CTSH: variants seen among roughly 807,000 people sequenced by gnomAD.
The protein encoded by CTSH is cathepsin H, also known as pro-cathepsin H.
Under a neutral mutation model 56.3 loss-of-function variants are expected in CTSH, and 52 were observed. The observed-to-expected ratio is 0.92, with a 90% CI of 0.74 to 1.16. The LOEUF (loss-of-function observed/expected upper bound fraction) is 1.16. Among genes scored for constraint, CTSH ranks in the 50% most tolerant of loss-of-function variants. CTSH has a pLI of 0.00. For missense variants in CTSH, 406 were observed against 424.5 expected (o/e 0.96, Z 0.38); for synonymous variants, 174 against 155.7 (o/e 1.12, Z -0.88).
At chr15:78,931,785 T>G (rs1209511296) in intron 6 of CTSH, 15 of 1,374,470 alleles carry the variant, frequency 1.1e-5, no homozygotes, top group Non-Finnish European at 1.4e-5. Context: ...GCCCCGTAGG[T>G]GTGCCCATAC....
intron 2 of CTSH, among the ~76,000 whole-genome samples, chr15:78,938,596 T>C: frequency 6.6e-6 from 1 of 152,162 alleles, no homozygotes; most frequent in East Asian, 1.9e-4. Flanking sequence ...ATGACAGAAT[T>C]TCATTCTTTG....
intron 10 of CTSH, among the ~76,000 whole-genome samples, 163 bp from the exon 11 acceptor site, chr15:78,923,281 A>G (rs558584189): frequency 6.6e-6 from 1 of 152,252 alleles, no homozygotes; most frequent in Admixed American, 6.5e-5. Context: ...TCCGTGAGAG[A>G]ACTCCTTTCA....
intron 11 of CTSH, 138 bp from the exon 12 acceptor site, chr15:78,922,343 TA>T: frequency 1.4e-6 from 1 of 689,668 alleles, no homozygotes; most frequent in Non-Finnish European, 2.5e-6. Context: ...GCATTCGGCT[TA>T]TTTGATCACC....
intron 5 of CTSH, chr15:78,933,434 C>G: frequency 5.3e-6 from 2 of 378,888 alleles, no homozygotes; most frequent in Non-Finnish European, 1.1e-5. Flanking sequence ...CCTCACCTTG[C>G]TGGTTCAGTC....
Position 78,927,715 on chromosome 15 carries a change from T to C in CTSH, c.697A>G (p.Ile233Val). Residue 233 changes from isoleucine (I) to valine (V), a missense_variant and splice_region_variant, in exon 9 of 12, where the codon ATC becomes GTC. Ile to Val is a conservative substitution (Grantham distance 29, BLOSUM62 3). Transcript: ENST00000220166. ...GFVKDVANIT[I>V]YDEEAMVEAV... ...CCCAGAGGGGGATCGGCACTCACGATTGTGATGTTGGCTACATCCTTGACA... is the reference window on the plus strand; with the variant it reads ...CCCAGAGGGGGATCGGCACTCACGACTGTGATGTTGGCTACATCCTTGACA... 1.2e-6 allele frequency: 2 copies of C among 1,613,952 alleles called. No homozygotes were observed. The highest frequency in any genetic ancestry group is 1.1e-5 in the South Asian group (1 of 91,084).
intron 1 of CTSH, among the ~76,000 whole-genome samples, chr15:78,942,923 C>T (rs1476071001): frequency 1.3e-5 from 2 of 152,152 alleles, no homozygotes; most frequent in East Asian, 1.9e-4. Flanking sequence ...AATCTATGGC[C>T]GTTTTCCCTG....
At chr15:78,933,272 T>A (rs767405182) in intron 5 of CTSH, among the ~76,000 whole-genome samples, 22 of 152,254 alleles carry the variant, frequency 1.4e-4, no homozygotes, top group Non-Finnish European at 2.9e-4. Context: ...TCTCGAAGCC[T>A]TGGCTTCATT....
At chr15:78,927,673 C>G in intron 9 of CTSH, 40 bp downstream of exon 9, 1 of 1,591,978 alleles carries the variant, frequency 6.3e-7, no homozygotes, top group Non-Finnish European at 8.6e-7. Flanking sequence ...GCCTCCTCAT[C>G]AGGACACATT....
intron 5 of CTSH, among the ~76,000 whole-genome samples, chr15:78,934,579 G>A (rs1429329550): frequency 2.0e-5 from 3 of 152,216 alleles, no homozygotes; most frequent in East Asian, 1.9e-4. Context: ...AGAGGGAGGC[G>A]GCCAGCCAGG....
intron 2 of CTSH, 184 bp from the exon 3 acceptor site, chr15:78,937,607 C>T: frequency 7.1e-7 from 1 of 1,407,250 alleles, no homozygotes; most frequent in Non-Finnish European, 9.3e-7. Context: ...ACCCCGTTTT[C>T]AGGGACCTGT....
intron 10 of CTSH, 107 bp from the exon 11 acceptor site, chr15:78,923,225 G>A: frequency 7.2e-6 from 9 of 1,255,004 alleles, no homozygotes; most frequent in Non-Finnish European, 1.0e-5. Flanking sequence ...GTTCCCCACA[G>A]CGGACCAGGG....
rs1444621179 is a variant in CTSH, at chr15:78,921,804, C to T, written c.*326G>A. The T allele has an allele frequency of 6.8e-6, 2 of 295,728 alleles. No individual in the cohort carries two copies. The highest frequency in any genetic ancestry group is 5.1e-5 in the South Asian group (1 of 19,770). The allele number at this position is 295,728 out of a possible 1,614,324, so 18.3% of individuals were successfully genotyped here. On this transcript the variant is annotated 3_prime_UTR_variant, in exon 12 of 12. Coordinates refer to ENST00000220166, the MANE Select transcript of CTSH (RefSeq NM_004390.5). ...TGCTCACTCAATGTTTATTGAACAG[C>T]GAATACAGAAAAGACAGTCCCTGGA... is the stretch of plus-strand genomic sequence containing the variant.
At position 78,921,796 on chromosome 15, in the gene CTSH, T is replaced by C; in HGVS notation, c.*334A>G. ...TGGGGAGGTGCTCACTCAATGTTTA[T>C]TGAACAGCGAATACAGAAAAGACAG... On this transcript the variant is annotated 3_prime_UTR_variant, in exon 12 of 12. Coordinates refer to ENST00000220166, the MANE Select transcript of CTSH (RefSeq NM_004390.5). 1 of 270,438 alleles carries C rather than the reference T, an allele frequency of 3.7e-6. No individual in the cohort carries two copies. The highest frequency in any genetic ancestry group is 5.7e-5 in the South Asian group (1 of 17,552). 16.8% of individuals were successfully genotyped at this position (270,438 alleles called of 1,614,324 possible).
intron 1 of CTSH, 145 bp downstream of exon 1, chr15:78,944,746 C>G: frequency 1.5e-6 from 2 of 1,343,486 alleles, no homozygotes; most frequent in Non-Finnish European, 1.9e-6. Flanking sequence ...TACCCCTCCC[C>G]GTGCCAGCAC....
intron 1 of CTSH, among the ~76,000 whole-genome samples, chr15:78,941,577 G>C (rs1174759240): frequency 6.6e-6 from 1 of 152,042 alleles, no homozygotes; most frequent in Non-Finnish European, 1.5e-5. Flanking sequence ...CGGATCACGA[G>C]TTCAGAAGAT....
chr15:78,940,121 AG>A (rs1178285258), intron 1 of CTSH, among the ~76,000 whole-genome samples: 1 of 152,278 alleles, frequency 6.6e-6, no homozygotes, highest in Non-Finnish European at 1.5e-5. Flanking sequence ...AAATATGTAC[AG>A]ATATTATCAA....
intron 9 of CTSH, chr15:78,925,661 C>CT (rs2054888615): frequency 1.0e-5 from 5 of 484,940 alleles, no homozygotes; most frequent in South Asian, 8.2e-5. Flanking sequence ...CCTGCACCCT[C>CT]TGAGATAGGG....
At chr15:78,937,481 A>T (rs1440705937) in intron 2 of CTSH, 58 bp from the exon 3 acceptor site, 2 of 1,495,992 alleles carry the variant, frequency 1.3e-6, no homozygotes, top group African/African-American at 1.4e-5. Flanking sequence ...CCCTAGAGGG[A>T]GACCTTTTTG....
Position 78,925,403 on chromosome 15 carries a change from T to C in CTSH, c.737A>G (p.Tyr246Cys), listed in dbSNP as rs762604293. 6.2e-7 allele frequency: 1 copy of C among 1,613,934 alleles called. No homozygotes were observed. Among genetic ancestry groups the C allele is most frequent in the South Asian group, 1.1e-5 (1 of 91,078 alleles). ...CTCAAAGGCAAAGCTCACAGGGTTGTAGAGGGCCACAGCCTCCACCATCGC... is the reference window on the plus strand; with the variant it reads ...CTCAAAGGCAAAGCTCACAGGGTTGCAGAGGGCCACAGCCTCCACCATCGC... ...EEAMVEAVAL[Y>C]NPVSFAFEVT... is the part of the protein sequence containing the mutation. Residue 246 changes from tyrosine (Y) to cysteine (C), a missense_variant, in exon 10 of 12, where the codon TAC becomes TGC. Coordinates refer to ENST00000220166, the MANE Select transcript of CTSH (RefSeq NM_004390.5).
Sources: gnomAD v4.1 joint callset for allele counts (sites outside exome capture counted in the v4.1 genomes callset) on GRCh38, gnomAD v4.1.1 for gene constraint, MANE v1.5 for transcripts, NCBI Gene and HGNC (gene_info 2026-07-23, HGNC 2026-07-21) for gene names.